The following LINGO2 variants were observed in gnomAD, a reference collection of about 807,000 sequenced individuals.
The protein encoded by LINGO2 is leucine rich repeat and Ig domain containing 2.
In LINGO2, 14 loss-of-function variants were observed where a neutral mutation model predicts 30.6. The ratio of observed to expected loss-of-function variants is 0.46; its 90% CI spans 0.30 to 0.72. The LOEUF is 0.72. Among genes scored for constraint, LINGO2 ranks in the 30% least tolerant of loss-of-function variants. The pLI is 0.07. For missense variants in LINGO2, 729 were observed against 751.7 expected (o/e 0.97, Z 0.35); for synonymous variants, 317 against 288.5 (o/e 1.10, Z -1.00).
chr9:28,493,340 A>T (rs1033031802), intron 1 of LINGO2, among the ~76,000 whole-genome samples: 10 of 152,152 alleles, frequency 6.6e-5, no homozygotes, highest in Non-Finnish European at 1.5e-4. Context: ...TATAACTGAC[A>T]TATCACTTTT....
chr9:28,345,126 C>G (rs569045867), intron 3 of LINGO2, among the ~76,000 whole-genome samples: 14 of 151,882 alleles, frequency 9.2e-5, no homozygotes, highest in Non-Finnish European at 2.1e-4. Context: ...TAAGAAGTAC[C>G]TTGGAATAGG....
chr9:28,818,613 T>C, the LINGO2 span, among the ~76,000 whole-genome samples: 1 of 152,188 alleles, frequency 6.6e-6, no homozygotes, highest in Non-Finnish European at 1.5e-5. Context: ...CTCGAACTCC[T>C]GACCTCAGGT....
chr9:28,575,770 C>A (rs574339877), intron 1 of LINGO2, among the ~76,000 whole-genome samples: 1 of 152,112 alleles, frequency 6.6e-6, no homozygotes, highest in African/African-American at 2.4e-5. Context: ...AGATAGGAAA[C>A]TACATTTTTA....
the LINGO2 span, among the ~76,000 whole-genome samples, chr9:28,790,221 C>G: frequency 6.6e-6 from 1 of 152,014 alleles, no homozygotes; most frequent in African/African-American, 2.4e-5. Flanking sequence ...ATTTAGTAGT[C>G]CTCTCACCTG....
chr9:28,048,327 A>G lies in LINGO2; in HGVS notation c.-86-35922T>C, dbSNP rs111717803. ...AAAACATTGTAATTAAATTTTTTGT[A>G]TAACAATAACTAAAATTCAGAAGGA... On this transcript the variant is annotated intron_variant, in intron 4 of 5. Transcript: ENST00000379992. Among the ~76,000 whole-genome samples, 261 of 151,118 alleles carry G rather than the reference A, an allele frequency of 1.7e-3. 16 individuals are homozygous for G. Among genetic ancestry groups the G allele is most frequent in the African/African-American group, 6.2e-3 (256 of 41,026 alleles).
intron 4 of LINGO2, among the ~76,000 whole-genome samples, chr9:28,252,850 T>C (rs1219572402): frequency 6.6e-6 from 1 of 152,028 alleles, no homozygotes; most frequent in Non-Finnish European, 1.5e-5. Context: ...GCCTATACAG[T>C]GGTTATCAAG....
the LINGO2 span, among the ~76,000 whole-genome samples, chr9:29,010,543 A>C: frequency 6.6e-6 from 1 of 152,208 alleles, no homozygotes; most frequent in Non-Finnish European, 1.5e-5. Context: ...TCTTAAATGC[A>C]CATGTATTCC....
chr9:28,323,700 C>T (rs1312083805), intron 3 of LINGO2, among the ~76,000 whole-genome samples: 2 of 152,080 alleles, frequency 1.3e-5, no homozygotes, highest in African/African-American at 4.8e-5. Flanking sequence ...AACATAAGTT[C>T]GGAGAACAAT....
chr9:28,195,060 A>G (rs1819960516), intron 4 of LINGO2, among the ~76,000 whole-genome samples: 2 of 152,056 alleles, frequency 1.3e-5, no homozygotes, highest in Non-Finnish European at 2.9e-5. Context: ...TAGGAAAAAC[A>G]AACAACAGAA....
At chr9:28,758,079 C>T in the LINGO2 span, among the ~76,000 whole-genome samples, 3 of 152,098 alleles carry the variant, frequency 2.0e-5, no homozygotes, top group East Asian at 5.8e-4. Flanking sequence ...GCATGTATCT[C>T]CTGAGCTGAA....
chr9:29,004,822 G>A, the LINGO2 span, among the ~76,000 whole-genome samples: 2 of 151,830 alleles, frequency 1.3e-5, no homozygotes, highest in Non-Finnish European at 2.9e-5. Context: ...TGACGTAAGA[G>A]TTAGTTTCCT....
intron 4 of LINGO2, among the ~76,000 whole-genome samples, chr9:28,189,261 A>AAGGGAGGAAGGAAGGAAGGG (rs1564028572): frequency 1.2e-5 from 1 of 85,764 alleles, no homozygotes; most frequent in Non-Finnish European, 2.3e-5. Context: ...GGGAGGAAGG[A>AAGGGAGGAAGGAAGGAAGGG]AGGGAGGGAG....
chr9:28,306,213 C>T (rs1228149303), intron 3 of LINGO2, among the ~76,000 whole-genome samples: 1 of 152,076 alleles, frequency 6.6e-6, no homozygotes, highest in Non-Finnish European at 1.5e-5. Context: ...AGTGTCTTGC[C>T]TTGTCCTCTG....
intron 1 of LINGO2, among the ~76,000 whole-genome samples, chr9:28,615,786 A>C (rs906247691): frequency 7.2e-5 from 11 of 152,194 alleles, no homozygotes; most frequent in Non-Finnish European, 1.3e-4. Flanking sequence ...GGGGCATATA[A>C]ATTTTTAAAA....
intron 5 of LINGO2, among the ~76,000 whole-genome samples, chr9:27,983,862 T>G (rs1821000282): frequency 6.6e-6 from 1 of 151,910 alleles, no homozygotes; most frequent in Admixed American, 6.6e-5. Context: ...CCCAGAGTTT[T>G]TTCTCTGCTT....
chr9:28,894,846 A>C, the LINGO2 span, among the ~76,000 whole-genome samples: 29 of 152,244 alleles, frequency 1.9e-4, no homozygotes, highest in Non-Finnish European at 1.0e-4. Context: ...TCACATACTT[A>C]ATTTTTTGTA....
At chr9:28,175,158 A>G (rs2133682333) in intron 4 of LINGO2, among the ~76,000 whole-genome samples, 1 of 152,220 alleles carries the variant, frequency 6.6e-6, no homozygotes, top group East Asian at 1.9e-4. Flanking sequence ...AAGAAAGCAA[A>G]GTTGTGGAAG....
the LINGO2 span, among the ~76,000 whole-genome samples, chr9:29,034,825 C>T: frequency 1.3e-5 from 2 of 152,178 alleles, no homozygotes; most frequent in Non-Finnish European, 2.9e-5. Context: ...CTGCTGCCTT[C>T]AGCACTATCG....
intron 2 of LINGO2, among the ~76,000 whole-genome samples, chr9:28,461,411 G>A (rs181938483): frequency 5.5e-4 from 84 of 152,048 alleles, no homozygotes; most frequent in African/African-American, 1.9e-3. Context: ...TTAAATTTGT[G>A]TTTACTCCAT....
Sources: gnomAD v4.1 joint callset for allele counts (sites outside exome capture counted in the v4.1 genomes callset) on GRCh38, gnomAD v4.1.1 for gene constraint, MANE v1.5 for transcripts, NCBI Gene and HGNC (gene_info 2026-07-23, HGNC 2026-07-21) for gene names.